Variants in HTR7 observed in about 807,000 individuals in gnomAD.
HTR7 encodes 5-HT-7.
A neutral mutation model predicts 34.0 loss-of-function variants in HTR7; 16 were observed. The ratio of observed to expected loss-of-function variants is 0.47; its 90% CI spans 0.32 to 0.71. The LOEUF (loss-of-function observed/expected upper bound fraction) is 0.71. Among genes scored for constraint, HTR7 ranks in the 30% least tolerant of loss-of-function variants. HTR7 has a pLI of 0.04. For missense variants in HTR7, 504 were observed against 625.5 expected, an observed-to-expected ratio of 0.81 and a Z score of 2.07; for synonymous variants, 265 against 260.2, an observed-to-expected ratio of 1.02 and a Z score of -0.18.
chr10:90,772,925 C>T (rs1057081338), intron 1 of HTR7, among the ~76,000 whole-genome samples: 1 of 152,172 alleles, frequency 6.6e-6, no homozygotes, highest in African/African-American at 2.4e-5. Context: ...GAAAGGTTTA[C>T]TCTCCCAACA....
intron 1 of HTR7, among the ~76,000 whole-genome samples, chr10:90,820,738 TTTACC>T (rs1342275571): frequency 6.6e-6 from 1 of 152,162 alleles, no homozygotes; most frequent in Non-Finnish European, 1.5e-5. Context: ...TTACAAAGCA[TTTACC>T]CAGACAGAAC....
chr10:90,752,631 G>A (rs1178240349), intron 1 of HTR7, among the ~76,000 whole-genome samples: 1 of 151,572 alleles, frequency 6.6e-6, no homozygotes, highest in East Asian at 1.9e-4. Context: ...AAAGTATAAA[G>A]CCACAGAAAT....
In HTR7 at chr10:90,848,701, A is replaced by G. The variant is rs551151751; in HGVS notation, c.539+8432T>C. Among the ~76,000 whole-genome samples, 5 of 152,378 alleles carry G rather than the reference A, an allele frequency of 3.3e-5. No individual in the cohort carries two copies. In the South Asian group the frequency reaches 1.0e-3, roughly 32 times the overall value. ...ATTATAGTATACTTGACTTTAAAATATGTTTCAAAATTTATATAACAAAAA... is the reference window on the plus strand; with the variant it reads ...ATTATAGTATACTTGACTTTAAAATGTGTTTCAAAATTTATATAACAAAAA... On this transcript the variant is annotated intron_variant, in intron 1 of 3. Transcript: ENST00000336152.
chr10:90,809,498 A>G (rs1845766012), intron 1 of HTR7, among the ~76,000 whole-genome samples: 1 of 152,158 alleles, frequency 6.6e-6, no homozygotes, highest in Non-Finnish European at 1.5e-5. Context: ...AAACTCCAAA[A>G]ATTAAATTCT....
intron 1 of HTR7, among the ~76,000 whole-genome samples, chr10:90,821,085 T>C (rs1307853475): frequency 6.6e-6 from 1 of 151,302 alleles, no homozygotes; most frequent in African/African-American, 2.4e-5. Context: ...CCTGAAGAAA[T>C]ATCAAGTTTA....
chr10:90,780,612 A>T (rs1845293869), intron 1 of HTR7, among the ~76,000 whole-genome samples: 1 of 152,174 alleles, frequency 6.6e-6, no homozygotes, highest in Admixed American at 6.5e-5. Context: ...ATAAATGATA[A>T]ATGATTAAAT....
rs780476203 is a variant in HTR7 at position 90,749,137 on chromosome 10, C to T, written c.997G>A (p.Val333Ile). Residue 333 changes from valine (V) to isoleucine (I), a missense_variant, in exon 2 of 4, where the codon GTC (valine) becomes ATC (isoleucine). Physicochemically the swap from Val to Ile is conservative, Grantham distance 29. Transcript: ENST00000336152. This position sits in a 1 kb window ranked among gnomAD's most constrained non-coding sequence, Gnocchi z 4.2. ...QKAATTLGII[V>I]GAFTVCWLPF... ...AGCCAGCACACGGTAAAGGCCCCGA[C>T]GATGATCCCCAGGGTGGTGGCTGCT... The T allele has an allele frequency of 1.7e-5, 28 of 1,614,040 alleles. No homozygotes were observed. Among genetic ancestry groups the T allele is most frequent in the South Asian group, 1.5e-4 (14 of 91,086 alleles).
At chr10:90,743,366 T>C (rs1303743428) in intron 3 of HTR7, among the ~76,000 whole-genome samples, 1 of 152,174 alleles carries the variant, frequency 6.6e-6, no homozygotes, top group Non-Finnish European at 1.5e-5. Flanking sequence ...GGACAAGTAC[T>C]GCACTTCAGC....
chr10:90,818,459 T>C (rs542276727), intron 1 of HTR7, among the ~76,000 whole-genome samples: 2 of 146,386 alleles, frequency 1.4e-5, no homozygotes, highest in East Asian at 2.0e-4. Context: ...GGCAGAAGAA[T>C]TGCTTGAACC....
chr10:90,747,705 A>G (rs1489559528), intron 2 of HTR7, among the ~76,000 whole-genome samples: 1 of 152,144 alleles, frequency 6.6e-6, no homozygotes, highest in Non-Finnish European at 1.5e-5. Context: ...GATGACCAGG[A>G]AGGTCCCTCT....
chr10:90,783,679 A>G (rs916046683), intron 1 of HTR7, among the ~76,000 whole-genome samples: 2 of 152,238 alleles, frequency 1.3e-5, no homozygotes, highest in African/African-American at 4.8e-5. Flanking sequence ...TACTAGAAAT[A>G]AACTGGATTT....
intron 1 of HTR7, among the ~76,000 whole-genome samples, chr10:90,784,557 G>GT (rs1564680822): frequency 6.6e-6 from 1 of 152,002 alleles, no homozygotes; most frequent in South Asian, 2.1e-4. Flanking sequence ...CTACTATCTA[G>GT]TTTTTTTAAA....
rs1241631924 is a variant in HTR7, at chr10:90,857,682, T to C, written c.-11A>G. On this transcript the variant is annotated 5_prime_UTR_variant, in exon 1 of 4. Coordinates refer to ENST00000336152, the MANE Select transcript of HTR7 (RefSeq NM_019859.4). This position sits in a 1 kb window ranked among gnomAD's most constrained non-coding sequence, Gnocchi z 6.5. ...GTTAACGTCCATCATCGCGCCGCCG[T>C]GTGCCGCTGCCCATGGAGCCGGCGC... 2.0e-6 allele frequency: 3 copies of C among 1,529,436 alleles called. No homozygotes were observed. The highest frequency in any genetic ancestry group is 1.7e-6 in the Non-Finnish European group (2 of 1,150,092). 94.7% of individuals were successfully genotyped at this position (1,529,436 alleles called of 1,614,324 possible).
intron 1 of HTR7, among the ~76,000 whole-genome samples, chr10:90,772,665 C>G (rs918040774): frequency 2.0e-5 from 3 of 152,068 alleles, no homozygotes; most frequent in African/African-American, 7.2e-5. Context: ...ACCCAGAAAC[C>G]CAACTGCTTT....
chr10:90,852,495 AT>A (rs1218527491), intron 1 of HTR7, among the ~76,000 whole-genome samples: 1 of 152,346 alleles, frequency 6.6e-6, no homozygotes, highest in East Asian at 1.9e-4. Flanking sequence ...CTAGGATTGT[AT>A]TTCCCCAAAA....
At chr10:90,829,907 AAAG>A (rs1157202135) in intron 1 of HTR7, among the ~76,000 whole-genome samples, 1 of 152,222 alleles carries the variant, frequency 6.6e-6, no homozygotes, top group Admixed American at 6.5e-5. Context: ...GGAATTAACC[AAAG>A]AAGTGAAAGA....
At chr10:90,852,325 A>T (rs920484643) in intron 1 of HTR7, among the ~76,000 whole-genome samples, 6 of 152,232 alleles carry the variant, frequency 3.9e-5, no homozygotes, top group African/African-American at 1.4e-4. Context: ...AATGGAAAAG[A>T]TAAACATGTA....
At chr10:90,789,417 C>T (rs1462229941) in intron 1 of HTR7, among the ~76,000 whole-genome samples, 1 of 152,012 alleles carries the variant, frequency 6.6e-6, no homozygotes, top group Non-Finnish European at 1.5e-5. Context: ...TTCTCTTCTG[C>T]CCACAATAAA....
intron 1 of HTR7, among the ~76,000 whole-genome samples, chr10:90,769,323 T>C (rs930624353): frequency 2.0e-5 from 3 of 152,196 alleles, no homozygotes; most frequent in Admixed American, 1.3e-4. Context: ...TATGGAAAGT[T>C]TGGGATTAAA....
Sources: gnomAD v4.1 joint callset for allele counts (sites outside exome capture counted in the v4.1 genomes callset) on GRCh38, gnomAD v4.1.1 for gene constraint, Gnocchi (gnomAD v3.1) non-coding constraint, MANE v1.5 for transcripts, NCBI Gene and HGNC (gene_info 2026-07-23, HGNC 2026-07-21) for gene names.